Variants in SP140L observed in about 807,000 individuals in gnomAD.
SP140L encodes the protein SP140 like nuclear body protein, also known as nuclear body protein SP140-like protein.
A neutral mutation model predicts 84.3 loss-of-function variants in SP140L; 64 were observed. The observed-to-expected ratio is 0.76, with a 90% CI of 0.62 to 0.94. The LOEUF (loss-of-function observed/expected upper bound fraction) is 0.94, where lower values mean the gene tolerates loss of function less well. Ranked by LOEUF, SP140L falls within the 40% of genes least tolerant of loss-of-function variation. SP140L has a pLI of 0.00. For synonymous variants in SP140L, 242 were observed against 236.9 expected (o/e 1.02, Z -0.20); for missense variants, 628 against 692.5 (o/e 0.91, Z 1.05).
intron 7 of SP140L, among the ~76,000 whole-genome samples, chr2:230,377,242 C>G (rs35379016): frequency 0.3 from 34,928 of 114,714 alleles, 4,232 homozygotes; most frequent in Middle Eastern, 0.36. Flanking sequence ...CCTCAAACTC[C>G]TGAGCAAGTG....
intron 2 of SP140L, among the ~76,000 whole-genome samples, chr2:230,349,584 A>C (rs1011559598): frequency 6.6e-6 from 1 of 152,206 alleles, no homozygotes. Context: ...CTGTTTGTTC[A>C]TTCCTAAATG....
At chr2:230,372,551 C>T (rs1559438307) in intron 7 of SP140L, 1 of 151,722 alleles carries the variant, frequency 6.6e-6, no homozygotes, top group African/African-American at 2.4e-5. Context: ...CGGTGAAACC[C>T]CGTTTCTACT....
At chr2:230,389,858 A>T (rs983375643) in intron 10 of SP140L, 61 bp from the exon 11 acceptor site, 6 of 1,483,282 alleles carry the variant, frequency 4.0e-6, no homozygotes, top group African/African-American at 1.4e-5. Context: ...GATTTACCTC[A>T]GTGGGAAGGG....
intron 14 of SP140L, among the ~76,000 whole-genome samples, chr2:230,398,105 G>GA (rs11410176): frequency 0.27 from 40,764 of 152,042 alleles, 5,811 homozygotes; most frequent in Non-Finnish European, 0.31. Flanking sequence ...TTGTTGCCTG[G>GA]ATCCCACTTT....
chr2:230,380,764 A>G (rs1287253837), intron 7 of SP140L, among the ~76,000 whole-genome samples: 4 of 152,050 alleles, frequency 2.6e-5, no homozygotes, highest in Non-Finnish European at 5.9e-5. Flanking sequence ...GATTTATTTC[A>G]CTCAGCATGT....
chr2:230,398,235 C>T (rs928108114), intron 14 of SP140L, among the ~76,000 whole-genome samples: 3 of 152,142 alleles, frequency 2.0e-5, no homozygotes, highest in Non-Finnish European at 4.4e-5. Context: ...AGAAGAATAC[C>T]AGTGCCTGTG....
intron 1 of SP140L, among the ~76,000 whole-genome samples, chr2:230,328,524 A>G (rs1434339163): frequency 6.6e-6 from 1 of 152,232 alleles, no homozygotes. Context: ...TACATATACT[A>G]TTCCATAGAA....
chr2:230,335,143 A>G (rs923398013), intron 2 of SP140L, among the ~76,000 whole-genome samples: 6 of 151,978 alleles, frequency 3.9e-5, no homozygotes, highest in Non-Finnish European at 1.5e-5. Flanking sequence ...TTATTGATCC[A>G]TTACTCTTAT....
chr2:230,343,584 T>G (rs1267230694), intron 2 of SP140L, among the ~76,000 whole-genome samples: 1 of 119,584 alleles, frequency 8.4e-6, no homozygotes, highest in East Asian at 2.4e-4. Context: ...TTTATATTCC[T>G]TTGGGTATAT....
intron 7 of SP140L, among the ~76,000 whole-genome samples, chr2:230,378,469 C>T (rs1443958733): frequency 6.6e-6 from 1 of 152,110 alleles, no homozygotes; most frequent in Non-Finnish European, 1.5e-5. Flanking sequence ...AAGTTTTCTC[C>T]GGAACTCCCC....
intron 13 of SP140L, among the ~76,000 whole-genome samples, chr2:230,395,018 C>G (rs1194381818): frequency 2.8e-4 from 42 of 151,630 alleles, no homozygotes; most frequent in Non-Finnish European, 5.9e-5. Flanking sequence ...GAGTTTCACT[C>G]TTGTCATTCA....
chr2:230,349,259 T>C (rs1382998654), intron 2 of SP140L, among the ~76,000 whole-genome samples: 1 of 152,252 alleles, frequency 6.6e-6, no homozygotes, highest in African/African-American at 2.4e-5. Context: ...ACTGTCTTGA[T>C]ATGGGTAGCT....
chr2:230,368,067 G>A (rs773239482), intron 5 of SP140L, among the ~76,000 whole-genome samples: 2 of 152,184 alleles, frequency 1.3e-5, no homozygotes, highest in Non-Finnish European at 2.9e-5. Context: ...TTTTAACCGT[G>A]AATTTTGTAT....
intron 16 of SP140L, 107 bp from the exon 17 acceptor site, chr2:230,401,259 T>A: frequency 1.3e-6 from 2 of 1,589,572 alleles, no homozygotes; most frequent in Non-Finnish European, 1.7e-6. Flanking sequence ...GAGCCACACA[T>A]GTTAGAGAAA....
At chr2:230,368,149 G>C (rs1463707761) in intron 5 of SP140L, among the ~76,000 whole-genome samples, 1 of 152,014 alleles carries the variant, frequency 6.6e-6, no homozygotes. Context: ...AGTATTTCTT[G>C]TAAAGCAGGT....
chr2:230,358,614 G>T (rs565533630), intron 3 of SP140L, among the ~76,000 whole-genome samples: 2 of 152,256 alleles, frequency 1.3e-5, no homozygotes, highest in African/African-American at 4.8e-5. Flanking sequence ...AGCAGGGGTT[G>T]CCCAGCCAAC....
intron 2 of SP140L, 29 bp from the exon 3 acceptor site, chr2:230,357,776 C>A (rs1486104811): frequency 1.3e-6 from 2 of 1,585,018 alleles, no homozygotes; most frequent in Non-Finnish European, 1.7e-6. Context: ...TCTTGATGAC[C>A]ATTTTCATTT....
At chr2:230,343,904 T>G (rs981786087) in intron 2 of SP140L, among the ~76,000 whole-genome samples, 1 of 151,814 alleles carries the variant, frequency 6.6e-6, no homozygotes, top group African/African-American at 2.4e-5. Context: ...ATGATTACTG[T>G]TTTTTTTGCA....
intron 4 of SP140L, among the ~76,000 whole-genome samples, chr2:230,360,375 G>T (rs191507845): frequency 7.2e-5 from 11 of 152,234 alleles, no homozygotes; most frequent in Admixed American, 6.5e-4. Context: ...AATACTACAG[G>T]TTTATAAACA....
Sources: allele counts gnomAD v4.1 joint callset (sites outside exome capture counted in the v4.1 genomes callset), GRCh38; gene constraint gnomAD v4.1.1; transcripts MANE v1.5; gene names NCBI Gene and HGNC (gene_info 2026-07-23, HGNC 2026-07-21).